The following RAB3C variants were observed in gnomAD, a reference collection of about 807,000 sequenced individuals.
RAB3C encodes ras-related protein Rab-3C.
Under a neutral mutation model 26.4 loss-of-function variants are expected in RAB3C, and 17 were observed. That is an observed-to-expected ratio of 0.64 (90% CI 0.44 to 0.97). The LOEUF (loss-of-function observed/expected upper bound fraction) is 0.97, where lower values mean the gene tolerates loss of function less well. Ranked by LOEUF, RAB3C falls within the 50% of genes least tolerant of loss-of-function variation. The pLI, the probability that RAB3C is intolerant of heterozygous loss-of-function variation, is 0.00. For synonymous variants in RAB3C, 91 were observed against 95.9 expected (o/e 0.95, Z 0.30); for missense variants, 242 against 281.9 (o/e 0.86, Z 1.01).
chr5:58,688,998 G>T (rs1327792747), intron 2 of RAB3C, among the ~76,000 whole-genome samples: 2 of 152,074 alleles, frequency 1.3e-5, no homozygotes, highest in Admixed American at 6.6e-5. Context: ...TTTACTCTGT[G>T]CCAGGTATTA....
rs557550965 is a variant in RAB3C, at chr5:58,607,067, G to A, written c.25-10576G>A. Among the ~76,000 whole-genome samples the A allele has an allele frequency of 4.6e-5, 7 of 152,282 alleles. No homozygotes were observed. In the East Asian group the frequency reaches 1.2e-3, roughly 25 times the overall value. On this transcript the variant is annotated intron_variant, in intron 1 of 4. Transcript: ENST00000282878. ...CAAAGCTGGATGGAGAATGACTGAC[G>A]AGTTGACAGAAGTAGGCTTCAGAAG...
chr5:58,757,570 C>T (rs747890531), intron 3 of RAB3C, among the ~76,000 whole-genome samples: 4 of 152,244 alleles, frequency 2.6e-5, no homozygotes, highest in Non-Finnish European at 5.9e-5. Context: ...TTGTGTCCTT[C>T]TCAGGCTATC....
At chr5:58,752,413 T>C (rs547067327) in intron 3 of RAB3C, among the ~76,000 whole-genome samples, 67 of 152,130 alleles carry the variant, frequency 4.4e-4, no homozygotes, top group South Asian at 4.4e-3. Context: ...AATTCTAGGA[T>C]TGCTTTGGGC....
chr5:58,705,416 A>G (rs1579869541), intron 2 of RAB3C, among the ~76,000 whole-genome samples: 1 of 152,172 alleles, frequency 6.6e-6, no homozygotes, highest in East Asian at 1.9e-4. Flanking sequence ...AAGTGACATT[A>G]TTGAAAATCT....
intron 3 of RAB3C, among the ~76,000 whole-genome samples, chr5:58,758,137 G>T (rs292954): frequency 0.34 from 51,891 of 151,698 alleles, 9,426 homozygotes; most frequent in East Asian, 0.48. Flanking sequence ...GTAGAGATGG[G>T]GTTTCACTGT....
chr5:58,617,673 C>A lies in RAB3C; in HGVS notation c.55C>A (p.Gln19Lys), dbSNP rs755185566. Residue 19 changes from glutamine (Q) to lysine (K), a missense_variant, in exon 2 of 5, where the codon CAG (glutamine) becomes AAG (lysine). Physicochemically the swap from Gln to Lys is moderately conservative, Grantham distance 53. Coordinates refer to ENST00000282878, the MANE Select transcript of RAB3C (RefSeq NM_138453.4). ...CTCTGCCCAAGATGCCAGGTACGGCCAGAAAGACTCCTCTGATCAGAACTT... is the reference window on the plus strand; with the variant it reads ...CTCTGCCCAAGATGCCAGGTACGGCAAGAAAGACTCCTCTGATCAGAACTT... ...MASAQDARYG[Q>K]KDSSDQNFDY... is the part of the protein sequence containing the mutation. 1.2e-6 allele frequency: 2 copies of A among 1,613,722 alleles called. No homozygotes were observed. The highest frequency in any genetic ancestry group is 1.7e-6 in the Non-Finnish European group (2 of 1,179,734).
rs138886830 is a variant in RAB3C, at chr5:58,633,697, A to T, written c.252+15827A>T. Among the ~76,000 whole-genome samples, 1,052 of 152,300 alleles carry T rather than the reference A, an allele frequency of 6.9e-3. 4 individuals are homozygous for T. Among genetic ancestry groups the T allele is most frequent in the African/African-American group, 0.022 (927 of 41,562 alleles). On this transcript the variant is annotated intron_variant, in intron 2 of 4. Transcript: ENST00000282878. ...GGCTCCTAAGGGTTATGGGCTGGAC[A>T]TTATTTAATTCAGGAGTCTCAGCAT...
At chr5:58,721,312 T>G (rs1740754853) in intron 2 of RAB3C, among the ~76,000 whole-genome samples, 1 of 151,548 alleles carries the variant, frequency 6.6e-6, no homozygotes, top group African/African-American at 2.4e-5. Flanking sequence ...TTTTATTTTT[T>G]AATCACATTT....
At chr5:58,817,834 A>C in intron 3 of RAB3C, among the ~76,000 whole-genome samples, 1 of 152,200 alleles carries the variant, frequency 6.6e-6, no homozygotes, top group East Asian at 1.9e-4. Flanking sequence ...AAAATAACAA[A>C]AGGGCCAATT....
At chr5:58,834,754 AT>A (rs1224755672) in intron 4 of RAB3C, among the ~76,000 whole-genome samples, 13 of 152,178 alleles carry the variant, frequency 8.5e-5, no homozygotes, top group African/African-American at 2.7e-4. Flanking sequence ...AACATTGTAC[AT>A]TTTAATGTGT....
At chr5:58,659,330 T>C (rs1027190947) in intron 2 of RAB3C, among the ~76,000 whole-genome samples, 3 of 152,234 alleles carry the variant, frequency 2.0e-5, no homozygotes, top group South Asian at 2.1e-4. Flanking sequence ...AAAGAGGTAA[T>C]GCCTTCACTA....
intron 3 of RAB3C, among the ~76,000 whole-genome samples, chr5:58,762,965 G>T (rs73104332): frequency 0.018 from 2,767 of 152,162 alleles, 84 homozygotes; most frequent in African/African-American, 0.063. Flanking sequence ...TGTTATAACC[G>T]GTTCAAAAGA....
intron 2 of RAB3C, among the ~76,000 whole-genome samples, chr5:58,713,421 C>A (rs912581080): frequency 6.6e-6 from 1 of 152,236 alleles, no homozygotes; most frequent in South Asian, 2.1e-4. Context: ...CAGGCCACTT[C>A]TGTGAGGCAG....
At chr5:58,582,483 G>A (rs1246349645), upstream of RAB3C, 19 of 923,876 alleles carry the variant, frequency 2.1e-5, no homozygotes, top group Non-Finnish European at 2.5e-5. Flanking sequence ...TTCGGTGTGC[G>A]GGTTGTGTGT....
At chr5:58,691,735 A>G (rs550159928) in intron 2 of RAB3C, among the ~76,000 whole-genome samples, 90 of 152,292 alleles carry the variant, frequency 5.9e-4, no homozygotes, top group African/African-American at 2.1e-3. Flanking sequence ...GTTTGATCTC[A>G]AAATGTATAT....
intron 4 of RAB3C, among the ~76,000 whole-genome samples, chr5:58,843,044 A>C (rs1160075797): frequency 6.6e-6 from 1 of 152,238 alleles, no homozygotes; most frequent in Non-Finnish European, 1.5e-5. Context: ...CTGGTTTACC[A>C]AGTGTGTGAC....
chr5:58,583,170 A>G lies in RAB3C; in HGVS notation c.-39A>G. On this transcript the variant is annotated 5_prime_UTR_variant, in exon 1 of 5. Transcript: ENST00000282878. ...GCACGCTTGACCGGAAGCCCAGACC[A>G]GTGCGGTCCTAGCCAGAGAGAAAGG... is the stretch of plus-strand genomic sequence containing the variant. 2 of 1,614,080 alleles carry G rather than the reference A, an allele frequency of 1.2e-6. No homozygotes were observed. The highest frequency in any genetic ancestry group is 1.7e-6 in the Non-Finnish European group (2 of 1,180,016).
chr5:58,829,283 T>G (rs560737304), intron 4 of RAB3C, among the ~76,000 whole-genome samples: 47 of 152,250 alleles, frequency 3.1e-4, no homozygotes, highest in African/African-American at 1.1e-3. Context: ...TATATTAAAT[T>G]TATAGTATGG....
chr5:58,655,383 C>T (rs1178656098), intron 2 of RAB3C, among the ~76,000 whole-genome samples: 6 of 152,134 alleles, frequency 3.9e-5, no homozygotes, highest in African/African-American at 1.4e-4. Flanking sequence ...CATGTTTTGA[C>T]AATCTAGAAA....
Sources: allele counts gnomAD v4.1 joint callset (sites outside exome capture counted in the v4.1 genomes callset), GRCh38; gene constraint gnomAD v4.1.1; transcripts MANE v1.5; gene names NCBI Gene and HGNC (gene_info 2026-07-23, HGNC 2026-07-21).